FAM24B: variants seen among roughly 807,000 people sequenced by gnomAD.
FAM24B encodes protein FAM24B.
In FAM24B, 3 loss-of-function variants were observed where a neutral mutation model predicts 2.3. The observed-to-expected ratio is 1.29, with a 90% CI of 0.59 to 3.32. The LOEUF (loss-of-function observed/expected upper bound fraction) is 3.32, where lower values mean the gene tolerates loss of function less well. Among genes scored for constraint, FAM24B ranks in the 30% most tolerant of loss-of-function variants. FAM24B has a pLI of 0.03. For missense variants in FAM24B, 98 were observed against 117.2 expected, an observed-to-expected ratio of 0.84 and a Z score of 0.76; for synonymous variants, 36 against 46.3, an observed-to-expected ratio of 0.78 and a Z score of 0.90.
intron 1 of FAM24B, among the ~76,000 whole-genome samples, chr10:122,861,712 A>G (rs562272376): frequency 6.6e-6 from 1 of 152,364 alleles, no homozygotes; most frequent in East Asian, 1.9e-4. Context: ...TGTAAACAGT[A>G]TTATTTTCAA....
chr10:122,877,470 C>T (rs145442512), intron 1 of FAM24B, among the ~76,000 whole-genome samples: 9 of 152,090 alleles, frequency 5.9e-5, no homozygotes, highest in Middle Eastern at 6.8e-3. Context: ...TGGTGGGTGT[C>T]AGACATGCAA....
At chr10:122,850,100 G>C (rs916999268) in intron 3 of FAM24B, among the ~76,000 whole-genome samples, 3 of 152,186 alleles carry the variant, frequency 2.0e-5, no homozygotes, top group Admixed American at 2.0e-4. Flanking sequence ...GACAGAGGGA[G>C]TCTTGGCCAA....
intron 1 of FAM24B, among the ~76,000 whole-genome samples, chr10:122,865,509 G>A (rs949800430): frequency 2.0e-5 from 3 of 152,030 alleles, no homozygotes; most frequent in African/African-American, 7.2e-5. Context: ...CTACTTGTTG[G>A]ATTCTGTTTG....
Position 122,863,064 on chromosome 10 carries a change from A to T in FAM24B, c.-177-7278T>A, listed in dbSNP as rs184438970. Among the ~76,000 whole-genome samples the T allele has an allele frequency of 1.1e-3, 163 of 152,300 alleles. 1 individual carries two copies. Among genetic ancestry groups the T allele is most frequent in the African/African-American group, 3.7e-3 (153 of 41,572 alleles). On this transcript the variant is annotated intron_variant, in intron 1 of 3. Transcript: ENST00000368898. Reference sequence around the variant, plus strand: ...TTCCTGAACAGTGGAAAGACCAGAGACATCAGAACCATCTTTCCCACTTCC... The same window carrying T: ...TTCCTGAACAGTGGAAAGACCAGAGTCATCAGAACCATCTTTCCCACTTCC...
intron 1 of FAM24B, among the ~76,000 whole-genome samples, chr10:122,858,297 G>GC (rs1847670047): frequency 6.6e-6 from 1 of 151,588 alleles, no homozygotes; most frequent in African/African-American, 2.4e-5. Flanking sequence ...GCAAACTATC[G>GC]CAAGGACAAA....
At chr10:122,864,987 C>T (rs1251634555) in intron 1 of FAM24B, among the ~76,000 whole-genome samples, 1 of 152,192 alleles carries the variant, frequency 6.6e-6, no homozygotes, top group East Asian at 1.9e-4. Context: ...TTAGTTGCTT[C>T]CAGCTTTTGC....
intron 1 of FAM24B, among the ~76,000 whole-genome samples, chr10:122,867,065 T>C (rs1178972600): frequency 6.6e-6 from 1 of 152,222 alleles, no homozygotes; most frequent in Non-Finnish European, 1.5e-5. Context: ...ACAAAATAGC[T>C]TTATTGCTGA....
chr10:122,853,356 T>C (rs371710264), intron 2 of FAM24B, among the ~76,000 whole-genome samples: 3 of 152,148 alleles, frequency 2.0e-5, no homozygotes, highest in East Asian at 3.9e-4. Flanking sequence ...CAACATAACA[T>C]CTTTCCAGCC....
chr10:122,872,061 G>C (rs1249746534), intron 1 of FAM24B, among the ~76,000 whole-genome samples: 1 of 152,088 alleles, frequency 6.6e-6, no homozygotes, highest in Non-Finnish European at 1.5e-5. Context: ...CTAATATCCA[G>C]AATCTGCAAT....
intron 1 of FAM24B, among the ~76,000 whole-genome samples, chr10:122,856,692 A>G (rs1847645356): frequency 6.6e-6 from 1 of 152,082 alleles, no homozygotes; most frequent in African/African-American, 2.4e-5. Context: ...CTGGGCCTAA[A>G]TCAGGACTGC....
intron 1 of FAM24B, among the ~76,000 whole-genome samples, chr10:122,871,376 G>A (rs1847895602): frequency 6.6e-6 from 1 of 152,192 alleles, no homozygotes; most frequent in Non-Finnish European, 1.5e-5. Context: ...GTAATTTATA[G>A]ATTTAATGCC....
At chr10:122,876,723 C>T (rs1001473512) in intron 1 of FAM24B, among the ~76,000 whole-genome samples, 3 of 152,158 alleles carry the variant, frequency 2.0e-5, no homozygotes, top group Admixed American at 2.0e-4. Flanking sequence ...TTTGTGACCT[C>T]CATTATCTGA....
At chr10:122,868,586 C>G (rs923705302) in intron 1 of FAM24B, among the ~76,000 whole-genome samples, 2 of 152,006 alleles carry the variant, frequency 1.3e-5, no homozygotes, top group Admixed American at 1.3e-4. Context: ...GCTGATCTCT[C>G]GGCAGAAACT....
chr10:122,870,245 G>A (rs537759282), intron 1 of FAM24B, among the ~76,000 whole-genome samples: 32 of 152,252 alleles, frequency 2.1e-4, no homozygotes, highest in Non-Finnish European at 3.8e-4. Flanking sequence ...GAAAGAAGTT[G>A]AATCTCTGAA....
At chr10:122,861,834 T>C (rs1218067430) in intron 1 of FAM24B, among the ~76,000 whole-genome samples, 2 of 152,196 alleles carry the variant, frequency 1.3e-5, no homozygotes, top group Non-Finnish European at 2.9e-5. Flanking sequence ...TAAAAACTAG[T>C]CAGCCATATC....
intron 1 of FAM24B, among the ~76,000 whole-genome samples, chr10:122,861,151 A>G (rs1020481259): frequency 4.6e-5 from 7 of 152,076 alleles, no homozygotes; most frequent in South Asian, 4.1e-4. Flanking sequence ...TATGTTTTAT[A>G]GTTTTATATT....
chr10:122,865,995 C>T (rs556410586), intron 1 of FAM24B, among the ~76,000 whole-genome samples: 131 of 151,776 alleles, frequency 8.6e-4, no homozygotes, highest in Non-Finnish European at 1.7e-3. Flanking sequence ...CTCTGCCTCC[C>T]GGGTTCAAGC....
chr10:122,860,389 G>C (rs975002034), intron 1 of FAM24B, among the ~76,000 whole-genome samples: 11 of 152,184 alleles, frequency 7.2e-5, no homozygotes, highest in Non-Finnish European at 1.2e-4. Flanking sequence ...TCTGTTGTTT[G>C]ACTGGACCAC....
At chr10:122,877,297 A>G (rs771769775) in intron 1 of FAM24B, among the ~76,000 whole-genome samples, 1 of 152,132 alleles carries the variant, frequency 6.6e-6, no homozygotes, top group Non-Finnish European at 1.5e-5. Context: ...GCCAGCCACA[A>G]TTCTCATCCA....
Sources: allele counts gnomAD v4.1 joint callset (sites outside exome capture counted in the v4.1 genomes callset), GRCh38; gene constraint gnomAD v4.1.1; transcripts MANE v1.5; gene names NCBI Gene and HGNC (gene_info 2026-07-23, HGNC 2026-07-21).